CDH13: variants seen among roughly 807,000 people sequenced by gnomAD.
The protein encoded by CDH13 is cadherin 13, also known as cadherin-13.
A neutral mutation model predicts 63.8 loss-of-function variants in CDH13; 24 were observed. The ratio of observed to expected loss-of-function variants is 0.38; its 90% CI spans 0.27 to 0.53. CDH13 has a LOEUF of 0.53. Ranked by LOEUF, CDH13 falls within the 20% of genes least tolerant of loss-of-function variation. CDH13 has a pLI of 0.85. For synonymous variants in CDH13, 503 were observed against 355.3 expected (o/e 1.42, Z -4.67); for missense variants, 1,049 against 903.1 (o/e 1.16, Z -2.07).
intron 10 of CDH13, among the ~76,000 whole-genome samples, chr16:83,734,958 C>G (rs1481884534): frequency 6.8e-6 from 1 of 147,816 alleles, no homozygotes; most frequent in Non-Finnish European, 1.5e-5. Flanking sequence ...TTGTAACTTT[C>G]TCAAGTTTTA....
intron 7 of CDH13, among the ~76,000 whole-genome samples, chr16:83,518,536 A>C (rs779509472): frequency 3.1e-4 from 45 of 143,234 alleles, no homozygotes; most frequent in East Asian, 1.3e-3. Flanking sequence ...GCAGTGGTGC[A>C]ATGTTGGCTC....
In CDH13 at chr16:82,644,450, C is replaced by T. The variant is rs1263327383; in HGVS notation, c.45+17313C>T. On this transcript the variant is annotated intron_variant, in intron 1 of 13. Transcript: ENST00000567109. The surrounding 1 kb of genome is among the most constrained non-coding windows in gnomAD (Gnocchi z 5.7). Reference sequence around the variant, plus strand: ...GCCCTCACTCGTGGGTTGATGATTTCTATCCTTTGTCATGTTGAAAATGCT... The same window carrying T: ...GCCCTCACTCGTGGGTTGATGATTTTTATCCTTTGTCATGTTGAAAATGCT... 6.6e-6 allele frequency among the ~76,000 whole-genome samples: 1 copy of T among 152,164 alleles called. No homozygotes were observed. Among genetic ancestry groups the T allele is most frequent in the African/African-American group, 2.4e-5 (1 of 41,440 alleles).
chr16:83,791,628 T>G (rs893757595), intron 13 of CDH13, among the ~76,000 whole-genome samples: 1 of 151,644 alleles, frequency 6.6e-6, no homozygotes, highest in African/African-American at 2.4e-5. Flanking sequence ...CTGACCAACG[T>G]GGTGAAACCC....
intron 5 of CDH13, among the ~76,000 whole-genome samples, chr16:83,290,830 C>T (rs774300055): frequency 2.6e-5 from 4 of 152,082 alleles, no homozygotes; most frequent in African/African-American, 4.8e-5. Context: ...CACTCAGGGC[C>T]GCCTTTCACC....
intron 5 of CDH13, among the ~76,000 whole-genome samples, chr16:83,300,850 C>G (rs1433463923): frequency 6.6e-6 from 1 of 151,892 alleles, no homozygotes; most frequent in Non-Finnish European, 1.5e-5. Context: ...TTAGAACATC[C>G]TGGGAAGGAA....
At chr16:82,963,794 C>G (rs556376945) in intron 2 of CDH13, among the ~76,000 whole-genome samples, 1 of 152,288 alleles carries the variant, frequency 6.6e-6, no homozygotes, top group African/African-American at 2.4e-5. Flanking sequence ...CCCCTTGGCA[C>G]GGGAAGCCCA....
At chr16:82,770,931 C>T (rs1045508489) in intron 1 of CDH13, among the ~76,000 whole-genome samples, 1 of 152,158 alleles carries the variant, frequency 6.6e-6, no homozygotes. Flanking sequence ...TGGTCTTGAA[C>T]TACTAAGCTC....
chr16:83,222,680 C>A (rs2039731578), intron 5 of CDH13, among the ~76,000 whole-genome samples: 1 of 151,992 alleles, frequency 6.6e-6, no homozygotes, highest in Non-Finnish European at 1.5e-5. Flanking sequence ...CCCATTGCTA[C>A]CTTTCTTAGC....
At chr16:83,142,730 C>T (rs2036584974) in intron 4 of CDH13, among the ~76,000 whole-genome samples, 1 of 152,064 alleles carries the variant, frequency 6.6e-6, no homozygotes, top group Non-Finnish European at 1.5e-5. Flanking sequence ...GTCTGGTGGA[C>T]TAGGCTCTCA....
chr16:83,074,459 A>T (rs148766181), intron 3 of CDH13, among the ~76,000 whole-genome samples: 4 of 152,204 alleles, frequency 2.6e-5, no homozygotes. Flanking sequence ...AATAAACATT[A>T]GGGTGCATGT....
At chr16:83,624,724 C>A (rs1267798484) in intron 8 of CDH13, among the ~76,000 whole-genome samples, 1 of 152,124 alleles carries the variant, frequency 6.6e-6, no homozygotes, top group Non-Finnish European at 1.5e-5. Context: ...CACCTGCCCA[C>A]CTCTGGGAAA....
intron 5 of CDH13, among the ~76,000 whole-genome samples, chr16:83,230,188 A>G (rs1278952578): frequency 6.6e-6 from 1 of 152,116 alleles, no homozygotes; most frequent in Admixed American, 6.5e-5. Context: ...TTATTGCAGA[A>G]CCTAATCATG....
Position 83,191,528 on chromosome 16 carries a change from CACATATATAT to C in CDH13, c.484-25815_484-25806del, listed in dbSNP as rs1322840210. Among the ~76,000 whole-genome samples, 196 of 70,076 alleles carry C rather than the reference CACATATATAT, an allele frequency of 2.8e-3. 1 individual carries two copies. Among genetic ancestry groups the C allele is most frequent in the African/African-American group, 9.0e-3 (133 of 14,746 alleles). 46.0% of individuals were successfully genotyped at this position (70,076 alleles called of 152,430 possible). On this transcript the variant is annotated intron_variant, in intron 4 of 13. Transcript: ENST00000567109. ...ATACACACACACACACACACACACA[CACATATATAT>C]ATATATATATATATATATACACACA...
intron 7 of CDH13, among the ~76,000 whole-genome samples, chr16:83,501,995 T>A (rs1019028249): frequency 1.3e-5 from 2 of 152,218 alleles, no homozygotes; most frequent in South Asian, 2.1e-4. Context: ...GAGCTCTGCA[T>A]CTTATTACTT....
At chr16:82,825,275 A>G (rs924408326) in intron 1 of CDH13, 1 of 152,198 alleles carries the variant, frequency 6.6e-6, no homozygotes, top group East Asian at 1.9e-4. Flanking sequence ...CTTCCAAAGC[A>G]GTAAGGTGCA....
Position 83,168,627 on chromosome 16 carries a change from A to G in CDH13, c.483+43126A>G, listed in dbSNP as rs138438191. Among the ~76,000 whole-genome samples the G allele has an allele frequency of 8.2e-3, 1,252 of 152,074 alleles. 24 individuals are homozygous for G. Among genetic ancestry groups the G allele is most frequent in the African/African-American group, 0.029 (1,208 of 41,504 alleles). ...TAAATTTTAAAAAAAACGAACTTGT[A>G]ATTTCCCCACTCAGAGATAGCTTCT... On this transcript the variant is annotated intron_variant, in intron 4 of 13. Coordinates refer to ENST00000567109, the MANE Select transcript of CDH13 (RefSeq NM_001257.5).
intron 6 of CDH13, among the ~76,000 whole-genome samples, chr16:83,365,992 G>A (rs942751011): frequency 2.6e-5 from 4 of 152,134 alleles, no homozygotes; most frequent in African/African-American, 4.8e-5. Flanking sequence ...TGAACCCCAC[G>A]GAGGTCATAC....
intron 8 of CDH13, among the ~76,000 whole-genome samples, chr16:83,649,371 A>T (rs992301764): frequency 6.6e-6 from 1 of 152,228 alleles, no homozygotes; most frequent in Non-Finnish European, 1.5e-5. Flanking sequence ...ATTTTTCAAT[A>T]TATTTAATAC....
At chr16:83,565,376 C>T (rs1904274572) in intron 7 of CDH13, among the ~76,000 whole-genome samples, 1 of 108,384 alleles carries the variant, frequency 9.2e-6, no homozygotes, top group African/African-American at 3.9e-5. Context: ...GTTCCTCTTC[C>T]ACTGTTCTTT....
Sources: gnomAD v4.1 joint callset for allele counts (sites outside exome capture counted in the v4.1 genomes callset) on GRCh38, gnomAD v4.1.1 for gene constraint, Gnocchi (gnomAD v3.1) non-coding constraint, MANE v1.5 for transcripts, NCBI Gene and HGNC (gene_info 2026-07-23, HGNC 2026-07-21) for gene names.